PCDHA11: variants seen among roughly 807,000 people sequenced by gnomAD.
PCDHA11 encodes the protein protocadherin alpha-11.
PCDHA11 carries 61 observed loss-of-function variants against 70.3 expected under a neutral mutation model. The observed-to-expected ratio is 0.87, with a 90% CI of 0.71 to 1.07. The LOEUF (loss-of-function observed/expected upper bound fraction) is 1.07. Among genes scored for constraint, PCDHA11 ranks in the 50% least tolerant of loss-of-function variants. The pLI is 0.00. For missense variants in PCDHA11, 1,324 were observed against 1,237.5 expected (o/e 1.07, Z -1.05); for synonymous variants, 633 against 555.1 (o/e 1.14, Z -1.97).
At chr5:140,969,592 A>G (rs547411191) in intron 1 of PCDHA11, 72 of 829,536 alleles carry the variant, frequency 8.7e-5, no homozygotes, top group Middle Eastern at 3.7e-4. Context: ...TAGTCTTAAT[A>G]TTTAATGCTA....
At position 140,924,901 on chromosome 5, in the gene PCDHA11, A is replaced by AAAAT. The variant is rs1554202314; in HGVS notation, c.2391+53410_2391+53411insTAAA. ...CAGAGCAAGAACCTGTCTCAAAAAA[A>AAAAT]AAAATAAAATAAAATAAAATAAAAT... On this transcript the variant is annotated intron_variant, in intron 1 of 3. Coordinates refer to ENST00000398640, the MANE Select transcript of PCDHA11 (RefSeq NM_018902.5). 7.3e-4 allele frequency among the ~76,000 whole-genome samples: 59 copies of AAAAT among 80,496 alleles called. 1 individual carries two copies. The highest frequency in any genetic ancestry group is 6.1e-3 in the Middle Eastern group (1 of 164). The allele number at this position is 80,496 out of a possible 152,430, so 52.8% of individuals were successfully genotyped here. A position where few individuals can be genotyped will look rare whatever the true frequency, so the allele number is the denominator to read the frequency against.
intron 1 of PCDHA11, among the ~76,000 whole-genome samples, chr5:140,894,550 T>C (rs943231588): frequency 3.3e-5 from 5 of 151,996 alleles, no homozygotes; most frequent in Non-Finnish European, 5.9e-5. Context: ...TAGTGTTTAC[T>C]TCTGAAAAAA....
intron 1 of PCDHA11, chr5:140,968,910 T>G (rs782307931): frequency 1.9e-6 from 3 of 1,613,974 alleles, no homozygotes; most frequent in Non-Finnish European, 2.5e-6. Flanking sequence ...TTAAGCACAG[T>G]GTCTTTTATA....
intron 1 of PCDHA11, among the ~76,000 whole-genome samples, chr5:140,905,859 A>T (rs2072155643): frequency 1.3e-5 from 2 of 152,192 alleles, no homozygotes; most frequent in Non-Finnish European, 2.9e-5. Context: ...GTATTAACTC[A>T]CACAATCACA....
At chr5:140,889,339 G>A (rs1554183871) in intron 1 of PCDHA11, among the ~76,000 whole-genome samples, 1 of 151,948 alleles carries the variant, frequency 6.6e-6, no homozygotes, top group Admixed American at 6.6e-5. Flanking sequence ...TTTGATTGGT[G>A]GGAATATTTC....
rs183247098 is a variant in PCDHA11 at position 140,949,419 on chromosome 5, T to G, written c.2392-29530T>G. On this transcript the variant is annotated intron_variant, in intron 1 of 3. Coordinates refer to ENST00000398640, the MANE Select transcript of PCDHA11 (RefSeq NM_018902.5). ...TGTTAAAAATCACCTATCATCATTGTGTTTATCTCTTTGTGCCCATTTTTG... is the reference window on the plus strand; with the variant it reads ...TGTTAAAAATCACCTATCATCATTGGGTTTATCTCTTTGTGCCCATTTTTG... Among the ~76,000 whole-genome samples the G allele has an allele frequency of 2.5e-3, 382 of 151,992 alleles. 3 individuals are homozygous for G. The highest frequency in any genetic ancestry group is 0.018 in the South Asian group (86 of 4,828).
At chr5:140,884,296 ACAGG>A in intron 1 of PCDHA11, 1 of 1,613,674 alleles carries the variant, frequency 6.2e-7, no homozygotes, top group Non-Finnish European at 8.5e-7. Flanking sequence ...GCCAAGCGCC[ACAGG>A]CTTCGTCGAG....
chr5:140,920,588 G>A lies in PCDHA11; in HGVS notation c.2391+49094G>A, dbSNP rs561082502. 2.0e-5 allele frequency among the ~76,000 whole-genome samples: 3 copies of A among 152,284 alleles called. No individual in the cohort carries two copies. The South Asian group carries it at 6.2e-4, about 32-fold the overall frequency. On this transcript the variant is annotated intron_variant, in intron 1 of 3. Transcript: ENST00000398640. ...AGGCCAGGAGCAGTGGCTCACGCCT[G>A]TAATCCCAGCACTTTGGGAGGCCGA...
At chr5:140,924,550 C>T (rs2081897316) in intron 1 of PCDHA11, among the ~76,000 whole-genome samples, 1 of 152,096 alleles carries the variant, frequency 6.6e-6, no homozygotes, top group Non-Finnish European at 1.5e-5. Context: ...CTCTCCCCAC[C>T]ATTTTAATCA....
intron 1 of PCDHA11, among the ~76,000 whole-genome samples, chr5:140,905,770 C>T (rs1402548672): frequency 6.6e-6 from 1 of 151,878 alleles, no homozygotes; most frequent in African/African-American, 2.4e-5. Flanking sequence ...AAGTATATTC[C>T]GAAGTGTATT....
At position 140,927,789 on chromosome 5, in the gene PCDHA11, A is replaced by G. The variant is rs781883935; in HGVS notation, c.2392-51160A>G. On this transcript the variant is annotated intron_variant, in intron 1 of 3. Transcript: ENST00000398640. The stretch of plus-strand genomic sequence containing the variant: ...GGGAGGTGCAAGTAGCTGCTTCACT[A>G]GGTCCGCCTGAAACGCTCTTGGAGG... 4 of 1,614,164 alleles carry G rather than the reference A, an allele frequency of 2.5e-6. No individual in the cohort carries two copies. The African/African-American group carries it at 4.0e-5, about 16-fold the overall frequency.
intron 3 of PCDHA11, among the ~76,000 whole-genome samples, chr5:141,000,361 G>GTCTCTCTCTC (rs148596731): frequency 1.1e-4 from 3 of 26,446 alleles, no homozygotes; most frequent in East Asian, 1.6e-3. Context: ...GTCTCTCTCT[G>GTCTCTCTCTC]TCTCTCTCTC....
chr5:140,944,463 A>C (rs2093660880), intron 1 of PCDHA11, among the ~76,000 whole-genome samples: 1 of 152,198 alleles, frequency 6.6e-6, no homozygotes, highest in Admixed American at 6.5e-5. Flanking sequence ...CTGGGATTAC[A>C]GGTATGAGGC....
At position 140,871,107 on chromosome 5, in the gene PCDHA11, G is replaced by A. The variant is rs1554165128; in HGVS notation, c.2004G>A (p.Leu668=). The A allele has an allele frequency of 1.2e-6, 2 of 1,613,306 alleles. No homozygotes were observed. Among genetic ancestry groups the A allele is most frequent in the Admixed American group, 1.7e-5 (1 of 60,018 alleles). ...LTATATVLVS[L]VESGQAPKAS... ...CCACGGCCACCGTGCTGGTGTCGTT[G>A]GTGGAGAGCGGACAGGCGCCAAAGG... Residue 668 remains leucine, a synonymous_variant, in exon 1 of 4, where the codon TTG becomes TTA. Transcript: ENST00000398640.
Position 140,870,343 on chromosome 5 carries a change from C to T in PCDHA11, c.1240C>T (p.Arg414Cys), listed in dbSNP as rs375366430. 1.9e-6 allele frequency: 3 copies of T among 1,614,160 alleles called. No individual in the cohort carries two copies. Among genetic ancestry groups the T allele is most frequent in the African/African-American group, 2.7e-5 (2 of 75,038 alleles). ...GTTGGTGCTGGACAGCGCCCTGGACCGCGAGAACGTGTGGGCCTATGAACT... is the reference window on the plus strand; with the variant it reads ...GTTGGTGCTGGACAGCGCCCTGGACTGCGAGAACGTGTGGGCCTATGAACT... ...YSLVLDSALD[R>C]ENVWAYELVV... Residue 414 changes from arginine (R) to cysteine (C), a missense_variant, in exon 1 of 4, where the codon CGC (arginine) becomes TGC (cysteine). Transcript: ENST00000398640.
intron 1 of PCDHA11, chr5:140,927,060 CT>C: frequency 1.2e-6 from 2 of 1,611,446 alleles, no homozygotes; most frequent in Non-Finnish European, 1.7e-6. Context: ...GGAACTTTCG[CT>C]TCCTTTCCAG....
intron 1 of PCDHA11, chr5:140,929,684 A>C: frequency 3.4e-6 from 1 of 294,182 alleles, no homozygotes; most frequent in Non-Finnish European, 6.5e-6. Flanking sequence ...AATATGTAAG[A>C]GTCTGCTTTA....
chr5:140,989,235 T>G (rs1408596966), intron 3 of PCDHA11, among the ~76,000 whole-genome samples: 1 of 152,204 alleles, frequency 6.6e-6, no homozygotes, highest in Non-Finnish European at 1.5e-5. Context: ...AGCTGAAGTT[T>G]TAAGCCCCTT....
chr5:140,965,424 G>A (rs2095899424), intron 1 of PCDHA11, among the ~76,000 whole-genome samples: 1 of 152,086 alleles, frequency 6.6e-6, no homozygotes, highest in African/African-American at 2.4e-5. Flanking sequence ...AGGAAGATAA[G>A]CTGCAGTCAT....
Sources: gnomAD v4.1 joint callset for allele counts (sites outside exome capture counted in the v4.1 genomes callset) on GRCh38, gnomAD v4.1.1 for gene constraint, MANE v1.5 for transcripts, NCBI Gene and HGNC (gene_info 2026-07-23, HGNC 2026-07-21) for gene names.